RBFOX3: variants seen among roughly 807,000 people sequenced by gnomAD.
RBFOX3 encodes RNA binding fox-1 homolog 3.
A neutral mutation model predicts 48.7 loss-of-function variants in RBFOX3; 17 were observed. The observed-to-expected ratio is 0.35, with a 90% CI of 0.24 to 0.52. The LOEUF (loss-of-function observed/expected upper bound fraction) is 0.52. Among genes scored for constraint, RBFOX3 ranks in the 20% least tolerant of loss-of-function variants. The pLI is 0.94. For synonymous variants in RBFOX3, 212 were observed against 209.5 expected (o/e 1.01, Z -0.10); for missense variants, 382 against 497.5 (o/e 0.77, Z 2.21).
At chr17:79,161,753 A>G (rs1415542354) in intron 4 of RBFOX3, among the ~76,000 whole-genome samples, 1 of 88,260 alleles carries the variant, frequency 1.1e-5, no homozygotes, top group African/African-American at 4.4e-5. Flanking sequence ...ATACCATCAC[A>G]CCCGGCTAAT....
chr17:79,319,913 G>A lies in RBFOX3; in HGVS notation c.-174-12089C>T. Among the ~76,000 whole-genome samples, 3 of 133,532 alleles carry A rather than the reference G, an allele frequency of 2.2e-5. 1 individual carries two copies. Among genetic ancestry groups the A allele is most frequent in the African/African-American group, 9.2e-5 (3 of 32,578 alleles). 87.6% of individuals were successfully genotyped at this position (133,532 alleles called of 152,430 possible). On this transcript the variant is annotated intron_variant, in intron 2 of 14. Coordinates refer to ENST00000693108, the MANE Select transcript of RBFOX3 (RefSeq NM_001350451.2). ...CTTTCTGGGCTGCTGGTCTATGTCT[G>A]GGCTGCTGGTCTATGTCTGGGCTGT... is the stretch of plus-strand genomic sequence containing the variant.
intron 2 of RBFOX3, among the ~76,000 whole-genome samples, chr17:79,369,791 G>A (rs12946073): frequency 0.68 from 103,373 of 151,950 alleles, 36,095 homozygotes; most frequent in Admixed American, 0.78. Flanking sequence ...AAGATCATCT[G>A]CCCGCCCTGA....
At chr17:79,291,536 G>T (rs574094196) in intron 3 of RBFOX3, among the ~76,000 whole-genome samples, 22 of 152,296 alleles carry the variant, frequency 1.4e-4, no homozygotes, top group Non-Finnish European at 2.9e-4. Context: ...GGAAGAATGG[G>T]GCTGAGGGCA....
chr17:79,127,458 G>T lies in RBFOX3; in HGVS notation c.-33-11710C>A, dbSNP rs1056339573. Among the ~76,000 whole-genome samples the T allele has an allele frequency of 2.6e-5, 4 of 152,262 alleles. No individual in the cohort carries two copies. The South Asian group carries it at 6.2e-4, about 24-fold the overall frequency. ...AGAAGAACAGGCATTTCTAGACAAT[G>T]CATTTGCTTCTATTTTCTTGCAGGT... On this transcript the variant is annotated intron_variant, in intron 4 of 14. Transcript: ENST00000693108.
At chr17:79,184,582 G>A (rs2053011547) in intron 4 of RBFOX3, among the ~76,000 whole-genome samples, 1 of 152,268 alleles carries the variant, frequency 6.6e-6, no homozygotes, top group Non-Finnish European at 1.5e-5. Flanking sequence ...CCACAGGTGA[G>A]CTTGGCTGCA....
At position 79,197,823 on chromosome 17, in the gene RBFOX3, C is replaced by T. The variant is rs59936433; in HGVS notation, c.-34+37943G>A. 6.4e-3 allele frequency among the ~76,000 whole-genome samples: 971 copies of T among 152,176 alleles called. 8 individuals are homozygous for T. The highest frequency in any genetic ancestry group is 0.022 in the African/African-American group (914 of 41,528). ...TTCCCCTTTGTACAGCAGAGAGGGA[C>T]GGAGAAAACACCAATCTAACCTCCC... On this transcript the variant is annotated intron_variant, in intron 4 of 14. Coordinates refer to ENST00000693108, the MANE Select transcript of RBFOX3 (RefSeq NM_001350451.2).
At chr17:79,388,486 C>G (rs1157596699) in intron 2 of RBFOX3, among the ~76,000 whole-genome samples, 1 of 152,226 alleles carries the variant, frequency 6.6e-6, no homozygotes, top group African/African-American at 2.4e-5. Flanking sequence ...GCCTTCCCAC[C>G]TGCATGCGCC....
chr17:79,191,614 C>T lies in RBFOX3; in HGVS notation c.-34+44152G>A, dbSNP rs116269402. Among the ~76,000 whole-genome samples the T allele has an allele frequency of 5.0e-3, 759 of 152,268 alleles. 11 individuals carry two copies. The highest frequency in any genetic ancestry group is 0.017 in the African/African-American group (724 of 41,548). Reference sequence around the variant, plus strand: ...CCAGTGCCAAGCTGCAGACAGGGGCCGGGCCATGGAGTGACGAGGCGGCCG... The same window carrying T: ...CCAGTGCCAAGCTGCAGACAGGGGCTGGGCCATGGAGTGACGAGGCGGCCG... On this transcript the variant is annotated intron_variant, in intron 4 of 14. Transcript: ENST00000693108.
At chr17:79,107,925 G>A (rs565173113) in intron 5 of RBFOX3, among the ~76,000 whole-genome samples, 1 of 152,368 alleles carries the variant, frequency 6.6e-6, no homozygotes, top group South Asian at 2.1e-4. Context: ...CCCTGGAGGG[G>A]TTCTCACTGT....
At chr17:79,419,393 C>T (rs1353229425) in intron 2 of RBFOX3, among the ~76,000 whole-genome samples, 2 of 152,204 alleles carry the variant, frequency 1.3e-5, no homozygotes, top group Non-Finnish European at 2.9e-5. Context: ...CCAAGACCTA[C>T]GTCTTGGCAG....
At chr17:79,637,076 TA>T in the RBFOX3 span, among the ~76,000 whole-genome samples, 1 of 152,162 alleles carries the variant, frequency 6.6e-6, no homozygotes, top group Admixed American at 6.5e-5. Context: ...TATATAATGA[TA>T]AAAGGGTCAT....
chr17:79,579,801 ATGGTGGGGAGCCACTGGCGCTG>A (rs2092990973), intron 1 of RBFOX3, among the ~76,000 whole-genome samples: 1 of 103,008 alleles, frequency 9.7e-6, no homozygotes, highest in Non-Finnish European at 1.9e-5. Flanking sequence ...CACTGGCGCC[ATGGTGGGGAGCCACTGGCGCTG>A]TGGTGGGGAG....
At chr17:79,177,683 G>A (rs932024281) in intron 4 of RBFOX3, among the ~76,000 whole-genome samples, 1 of 152,200 alleles carries the variant, frequency 6.6e-6, no homozygotes, top group Non-Finnish European at 1.5e-5. Flanking sequence ...GGGTGCAGGT[G>A]GACCCGCTTC....
At chr17:79,290,982 G>A (rs1600450233) in intron 3 of RBFOX3, among the ~76,000 whole-genome samples, 1 of 152,182 alleles carries the variant, frequency 6.6e-6, no homozygotes, top group East Asian at 1.9e-4. Context: ...CTGCCTTTCT[G>A]GAAGGATTAG....
intron 1 of RBFOX3, among the ~76,000 whole-genome samples, chr17:79,513,991 T>G (rs2084891024): frequency 6.6e-6 from 1 of 152,202 alleles, no homozygotes; most frequent in Non-Finnish European, 1.5e-5. Context: ...TGACCAGACC[T>G]GCCAATCCTT....
At chr17:79,498,324 G>A (rs2081869659) in intron 1 of RBFOX3, among the ~76,000 whole-genome samples, 1 of 152,098 alleles carries the variant, frequency 6.6e-6, no homozygotes, top group East Asian at 1.9e-4. Context: ...TCATGAAGGG[G>A]GAAGACCTCC....
chr17:79,091,891 G>A (rs1021564655), intron 14 of RBFOX3: 7 of 883,054 alleles, frequency 7.9e-6, no homozygotes, highest in African/African-American at 1.8e-5. Context: ...AGAGACTGGC[G>A]TGACCACAGC....
chr17:79,406,600 C>T (rs530565969), intron 2 of RBFOX3, among the ~76,000 whole-genome samples: 11 of 152,294 alleles, frequency 7.2e-5, no homozygotes, highest in African/African-American at 1.4e-4. Context: ...AATTAACAAA[C>T]GGTGCCCTCC....
At chr17:79,510,255 C>T (rs938842393) in intron 1 of RBFOX3, among the ~76,000 whole-genome samples, 1 of 152,174 alleles carries the variant, frequency 6.6e-6, no homozygotes, top group African/African-American at 2.4e-5. Flanking sequence ...CGGCCAGGCC[C>T]CGGGACTCTC....
Sources: gnomAD v4.1 joint callset for allele counts (sites outside exome capture counted in the v4.1 genomes callset) on GRCh38, gnomAD v4.1.1 for gene constraint, MANE v1.5 for transcripts, NCBI Gene and HGNC (gene_info 2026-07-23, HGNC 2026-07-21) for gene names.